DST: variants seen among roughly 807,000 people sequenced by gnomAD.
The protein encoded by DST is dystonin, also known as bullous pemphigoid antigen.
Under a neutral mutation model 875.2 loss-of-function variants are expected in DST, and 253 were observed. The observed-to-expected ratio is 0.29, with a 90% CI of 0.26 to 0.32. DST has a LOEUF of 0.32. Among genes scored for constraint, DST ranks in the 10% least tolerant of loss-of-function variants. DST has a pLI of 1.00. For synonymous variants in DST, 3,124 were observed against 3,197.1 expected, an observed-to-expected ratio of 0.98 and a Z score of 0.77; for missense variants, 8,287 against 9,111.6, an observed-to-expected ratio of 0.91 and a Z score of 3.68.
Position 56,572,792 on chromosome 6 carries a change from T to G in DST, c.13509A>C (p.Val4503=). ...CAGTAACATCTTTTCCTGGCACATC[T>G]ACTTCAGTAAGAGCCTGAGTTTTTG... ...LETKTQALTE[V]DVPGKDVTEL... is the part of the protein sequence containing the mutation. Residue 4503 remains valine (V), a synonymous_variant, in exon 52 of 104, where the codon GTA becomes GTC. Transcript: ENST00000680361. 1 of 1,608,124 alleles carries G rather than the reference T, an allele frequency of 6.2e-7. No individual in the cohort carries two copies. Among genetic ancestry groups the G allele is most frequent in the Non-Finnish European group, 8.5e-7 (1 of 1,177,786 alleles).
Position 56,839,107 on chromosome 6 carries a change from A to C in DST, c.625+12290T>G, listed in dbSNP as rs1211159885. Among the ~76,000 whole-genome samples, 4 of 152,174 alleles carry C rather than the reference A, an allele frequency of 2.6e-5. No individual in the cohort carries two copies. The South Asian group carries it at 6.2e-4, about 24-fold the overall frequency. ...CATTTCCTAGTCTACCTGCAGATAG[A>C]GATGGCCCCTGGAACAGCTGTCCCC... On this transcript the variant is annotated intron_variant, in intron 4 of 103. Coordinates refer to ENST00000680361, the MANE Select transcript of DST (RefSeq NM_001374736.1).
Position 56,482,041 on chromosome 6 carries a change from A to G in DST, c.21531+9T>C. The G allele has an allele frequency of 6.2e-7, 1 of 1,612,570 alleles. No individual in the cohort carries two copies. The highest frequency in any genetic ancestry group is 8.5e-7 in the Non-Finnish European group (1 of 1,179,202). ...ATTTAGCTTTACATAGCATTTATAT[A>G]TTACTCACTTTATGCTGATCAATGA... On this transcript the variant is annotated intron_variant, in intron 90 of 103. Transcript: ENST00000680361.
intron 49 of DST, among the ~76,000 whole-genome samples, chr6:56,579,940 G>A (rs1048804886): frequency 1.3e-5 from 2 of 152,138 alleles, no homozygotes; most frequent in African/African-American, 4.8e-5. Context: ...GATACCAGCT[G>A]GGGACAACTT....
intron 73 of DST, among the ~76,000 whole-genome samples, chr6:56,510,889 C>T (rs1264228234): frequency 6.6e-6 from 1 of 152,072 alleles, no homozygotes; most frequent in Admixed American, 6.6e-5. Context: ...CTTTATCTCC[C>T]CCAATGGCAA....
intron 86 of DST, among the ~76,000 whole-genome samples, chr6:56,488,415 G>C (rs771462344): frequency 2.7e-4 from 41 of 152,128 alleles, no homozygotes; most frequent in Non-Finnish European, 1.0e-4. Context: ...CCATCAGAGG[G>C]GAAGGAAGGA....
chr6:56,478,050 T>C (rs1030247917), intron 90 of DST, among the ~76,000 whole-genome samples: 1 of 136,208 alleles, frequency 7.3e-6, no homozygotes, highest in South Asian at 2.4e-4. Context: ...TCAAAAACTG[T>C]ATTATACAAA....
rs75097763 is a variant in DST at position 56,465,935 on chromosome 6, T to C, written c.22687+143A>G. On this transcript the variant is annotated intron_variant, in intron 99 of 103. Transcript: ENST00000680361. ...GGTTTACATGACTGCCACAGGTTCT[T>C]TGGGAACTTTAGGCTGACAGACCAA... 5.8e-3 allele frequency: 2,938 copies of C among 508,280 alleles called. 80 individuals carry two copies. The highest frequency in any genetic ancestry group is 0.053 in the African/African-American group (2,713 of 51,486). 31.5% of individuals were successfully genotyped at this position (508,280 alleles called of 1,614,324 possible).
rs759251785 is a variant in DST at position 56,606,616 on chromosome 6, G to A, written c.8012C>T (p.Pro2671Leu). Reference protein sequence around the residue: ...VSKENENSMVPQGAPVGSLSV... With the variant: ...VSKENENSMVLQGAPVGSLSV... ...TAAGCTACCAACTGGTGCCCCCTGG[G>A]GAACCATGGAATTTTCATTCTCTTT... is the stretch of plus-strand genomic sequence containing the variant. Residue 2671 changes from proline (P) to leucine (L), a missense_variant, in exon 40 of 104, where the codon CCC becomes CTC. Coordinates refer to ENST00000680361, the MANE Select transcript of DST (RefSeq NM_001374736.1). 5 of 1,613,408 alleles carry A rather than the reference G, an allele frequency of 3.1e-6. No homozygotes were observed. Among genetic ancestry groups the A allele is most frequent in the South Asian group, 1.1e-5 (1 of 91,074 alleles).
chr6:56,933,642 GCAA>G (rs1811414464), intron 2 of DST, among the ~76,000 whole-genome samples: 1 of 152,184 alleles, frequency 6.6e-6, no homozygotes, highest in South Asian at 2.1e-4. Context: ...ATGGGAGTTT[GCAA>G]CAACAACAAA....
intron 2 of DST, among the ~76,000 whole-genome samples, chr6:56,917,004 A>AC (rs1801543231): frequency 7.2e-6 from 1 of 139,492 alleles, no homozygotes; most frequent in African/African-American, 2.9e-5. Context: ...AAAAAAAAAA[A>AC]AAAAAAAAAA....
intron 3 of DST, among the ~76,000 whole-genome samples, chr6:56,867,975 C>T (rs989342903): frequency 1.3e-5 from 2 of 152,264 alleles, no homozygotes; most frequent in South Asian, 2.1e-4. Flanking sequence ...GGTGATTACC[C>T]GTGTTCTAGA....
Position 56,597,919 on chromosome 6 carries a change from T to C in DST, c.12016A>G (p.Arg4006Gly). 6.2e-7 allele frequency: 1 copy of C among 1,613,574 alleles called. No individual in the cohort carries two copies. Among genetic ancestry groups the C allele is most frequent in the Non-Finnish European group, 8.5e-7 (1 of 1,179,646 alleles). ...WLSNVDKDSERAGTKHKQVIE... is the reference protein window; with the variant it reads ...WLSNVDKDSEGAGTKHKQVIE... ...ACCTGTTTGTGTTTTGTCCCTGCCC[T>C]TTCTGAGTCTTTGTCAACATTTGAC... The change falls in exon 47 of 104, where the codon AGG (arginine) becomes GGG (glycine). Residue 4006 changes from arginine (R) to glycine (G), a missense_variant. By Grantham distance (125) the Arg-to-Gly change is moderately radical. This residue lies in a region of DST where 1,513 missense variants were observed against 1,677.8 expected (regional missense o/e 0.90). Transcript: ENST00000680361.
chr6:56,830,312 T>C (rs2153059252), intron 4 of DST, among the ~76,000 whole-genome samples: 1 of 152,298 alleles, frequency 6.6e-6, no homozygotes, highest in South Asian at 2.1e-4. Context: ...TATGGAACTG[T>C]ACACGCAGTA....
intron 32 of DST, among the ~76,000 whole-genome samples, chr6:56,628,482 T>C (rs1374869518): frequency 6.6e-6 from 1 of 152,180 alleles, no homozygotes; most frequent in African/African-American, 2.4e-5. Context: ...GTGTCTTGAA[T>C]AGTAAGGCTT....
chr6:56,592,693 T>C (rs2098300849), intron 48 of DST, among the ~76,000 whole-genome samples: 1 of 152,172 alleles, frequency 6.6e-6, no homozygotes, highest in African/African-American at 2.4e-5. Context: ...GATATCGATT[T>C]GATGGAAGGG....
chr6:56,832,517 G>C (rs1011313566), intron 4 of DST, among the ~76,000 whole-genome samples: 4 of 151,670 alleles, frequency 2.6e-5, no homozygotes, highest in African/African-American at 9.7e-5. Context: ...TGTAGGAACT[G>C]TAAGTCCAAC....
At chr6:56,815,634 C>G (rs989229969) in intron 4 of DST, among the ~76,000 whole-genome samples, 1 of 152,174 alleles carries the variant, frequency 6.6e-6, no homozygotes, top group African/African-American at 2.4e-5. Context: ...CAAGTCCCAG[C>G]ACCTCTGCCT....
At chr6:56,643,298 T>C (rs1469285866) in intron 15 of DST, among the ~76,000 whole-genome samples, 2 of 152,232 alleles carry the variant, frequency 1.3e-5, no homozygotes, top group African/African-American at 2.4e-5. Flanking sequence ...CTAGAAATTA[T>C]GAAGTACCTA....
intron 3 of DST, among the ~76,000 whole-genome samples, chr6:56,888,773 C>A (rs1266210269): frequency 6.6e-6 from 1 of 152,134 alleles, no homozygotes; most frequent in Non-Finnish European, 1.5e-5. Context: ...TATACTGCAG[C>A]CTTACAAAAA....
Sources: gnomAD v4.1 joint callset for allele counts (sites outside exome capture counted in the v4.1 genomes callset) on GRCh38, gnomAD v4.1.1 for gene constraint, gnomAD v4.1.1 regional missense constraint, MANE v1.5 for transcripts, NCBI Gene and HGNC (gene_info 2026-07-23, HGNC 2026-07-21) for gene names.